MMP26: variants seen among roughly 807,000 people sequenced by gnomAD.
MMP26 encodes matrix metalloproteinase-26.
A neutral mutation model predicts 31.0 loss-of-function variants in MMP26; 33 were observed. That is an observed-to-expected ratio of 1.06 (90% CI 0.81 to 1.42). MMP26 has a LOEUF of 1.42. Ranked by LOEUF, MMP26 falls within the 40% of genes most tolerant of loss-of-function variation. MMP26 has a pLI of 0.00. For synonymous variants in MMP26, 122 were observed against 114.9 expected (o/e 1.06, Z -0.40); for missense variants, 347 against 316.1 (o/e 1.10, Z -0.74).
chr11:4,714,589 T>C (rs1218851829), intron 1 of MMP26, among the ~76,000 whole-genome samples: 4 of 152,180 alleles, frequency 2.6e-5, no homozygotes, highest in Non-Finnish European at 4.4e-5. Context: ...GTGCCATTGG[T>C]GAACTACCAG....
At chr11:4,860,428 G>T (rs1564795784) in intron 2 of MMP26, 1 of 471,134 alleles carries the variant, frequency 2.1e-6, no homozygotes, top group Non-Finnish European at 4.4e-6. Context: ...AGCTAGGATG[G>T]TACCATTTCC....
chr11:4,762,568 C>A (rs576976516), intron 1 of MMP26, among the ~76,000 whole-genome samples: 1 of 152,046 alleles, frequency 6.6e-6, no homozygotes. Flanking sequence ...CCAGTGAGAA[C>A]GTGCTATTTA....
At chr11:4,906,756 G>C (rs1850896177) in intron 2 of MMP26, among the ~76,000 whole-genome samples, 1 of 152,034 alleles carries the variant, frequency 6.6e-6, no homozygotes, top group Non-Finnish European at 1.5e-5. Context: ...CTGATTCAAA[G>C]CAGCTCCATT....
chr11:4,841,526 T>C (rs187849195), intron 2 of MMP26, among the ~76,000 whole-genome samples: 1 of 152,306 alleles, frequency 6.6e-6, no homozygotes, highest in East Asian at 1.9e-4. Flanking sequence ...GGAAGAGTTC[T>C]TTTACCCAAG....
chr11:4,939,878 A>G (rs1040283035), intron 2 of MMP26, among the ~76,000 whole-genome samples: 1 of 152,092 alleles, frequency 6.6e-6, no homozygotes, highest in Non-Finnish European at 1.5e-5. Flanking sequence ...ATCCTCTGAA[A>G]CTTCTTAAGC....
At chr11:4,838,992 G>C (rs1849758985) in intron 2 of MMP26, among the ~76,000 whole-genome samples, 1 of 152,160 alleles carries the variant, frequency 6.6e-6, no homozygotes, top group South Asian at 2.1e-4. Context: ...TGGGTGCTTG[G>C]AGAGGGGAGA....
At chr11:4,908,459 A>G in intron 2 of MMP26, 1 of 717,224 alleles carries the variant, frequency 1.4e-6, no homozygotes, top group Non-Finnish European at 2.4e-6. Context: ...TTGAGAATAT[A>G]ACTGAACAGG....
In MMP26 at chr11:4,740,702, A is replaced by G. The variant is rs542472091; in HGVS notation, c.-216-26568A>G. 8.6e-5 allele frequency among the ~76,000 whole-genome samples: 13 copies of G among 151,552 alleles called. No homozygotes were observed. The South Asian group carries it at 2.7e-3, about 31-fold the overall frequency. ...CTGTCAAAAAAAAAAAAAAAAAGAA[A>G]CTATATTTTGGCTTTGGACATCTCC... On this transcript the variant is annotated intron_variant, in intron 1 of 7. Transcript: ENST00000380390.
At chr11:4,880,058 G>T (rs1208704502) in intron 2 of MMP26, among the ~76,000 whole-genome samples, 2 of 152,112 alleles carry the variant, frequency 1.3e-5, no homozygotes, top group African/African-American at 2.4e-5. Flanking sequence ...GATGGGATTT[G>T]CTTGGGCCTG....
chr11:4,847,065 G>A (rs1342975318), intron 2 of MMP26, among the ~76,000 whole-genome samples: 3 of 152,120 alleles, frequency 2.0e-5, no homozygotes, highest in Admixed American at 6.6e-5. Context: ...AGATTCAAGG[G>A]GAATTACCTA....
chr11:4,895,241 C>T (rs751230032), intron 2 of MMP26, among the ~76,000 whole-genome samples: 8 of 150,344 alleles, frequency 5.3e-5, no homozygotes, highest in Non-Finnish European at 1.0e-4. Flanking sequence ...TACATCATTA[C>T]AATTCTTTAT....
intron 2 of MMP26, among the ~76,000 whole-genome samples, chr11:4,927,550 C>A (rs2133587542): frequency 6.6e-6 from 1 of 152,232 alleles, no homozygotes; most frequent in Middle Eastern, 3.4e-3. Flanking sequence ...ACTGAGAGCT[C>A]AGTGTGTGGC....
At chr11:4,761,485 G>A (rs1848568747) in intron 1 of MMP26, among the ~76,000 whole-genome samples, 1 of 152,124 alleles carries the variant, frequency 6.6e-6, no homozygotes, top group Non-Finnish European at 1.5e-5. Flanking sequence ...GCCTCTGTGG[G>A]ATTTTTGCAC....
At chr11:4,912,121 G>C (rs1851000600) in intron 2 of MMP26, among the ~76,000 whole-genome samples, 1 of 152,080 alleles carries the variant, frequency 6.6e-6, no homozygotes, top group Admixed American at 6.6e-5. Context: ...AGGAATTAAA[G>C]TAACTAAAGT....
rs368505645 is a variant in MMP26 at position 4,946,423 on chromosome 11, T to A, written c.-144-41645T>A. Reference sequence around the variant, plus strand: ...GCTCCTTTTTGGATGCAATTCCCAGTACAGTCTTGAGGATCAGGGTGTAAG... The same window carrying A: ...GCTCCTTTTTGGATGCAATTCCCAGAACAGTCTTGAGGATCAGGGTGTAAG... On this transcript the variant is annotated intron_variant, in intron 2 of 7. Transcript: ENST00000380390. The A allele has an allele frequency of 1.9e-5, 30 of 1,609,508 alleles. 1 individual carries two copies. In the African/African-American group the frequency reaches 3.8e-4, roughly 20 times the overall value.
chr11:4,885,586 T>C (rs554293716), intron 2 of MMP26, among the ~76,000 whole-genome samples: 1 of 152,192 alleles, frequency 6.6e-6, no homozygotes, highest in South Asian at 2.1e-4. Context: ...CCCTCTAGGT[T>C]TGTGTAAATA....
Position 4,866,750 on chromosome 11 carries a change from G to C in MMP26, c.-145+99409G>C, listed in dbSNP as rs183842160. ...CAAGAACAGAAATATAGACCAATGG[G>C]AAAGAACAGAAAACCCAGAAAGAAG... is the stretch of plus-strand genomic sequence containing the variant. On this transcript the variant is annotated intron_variant, in intron 2 of 7. Transcript: ENST00000380390. Among the ~76,000 whole-genome samples the C allele has an allele frequency of 6.6e-5, 10 of 152,110 alleles. No homozygotes were observed. In the East Asian group the frequency reaches 1.9e-3, roughly 29 times the overall value.
chr11:4,718,240 A>G (rs1847962622), intron 1 of MMP26, among the ~76,000 whole-genome samples: 1 of 152,246 alleles, frequency 6.6e-6, no homozygotes, highest in Non-Finnish European at 1.5e-5. Flanking sequence ...GAATCACTGC[A>G]TATATTACTC....
rs551269587 is a variant in MMP26, at chr11:4,746,798, C to G, written c.-216-20472C>G. 5.3e-5 allele frequency among the ~76,000 whole-genome samples: 8 copies of G among 151,336 alleles called. No individual in the cohort carries two copies. The South Asian group carries it at 1.5e-3, about 28-fold the overall frequency. ...GCAGTGAGCTGAGATTGTGCCATTG[C>G]ACTCCAGCCTGGGCAACAAGAGTAA... On this transcript the variant is annotated intron_variant, in intron 1 of 7. Coordinates refer to ENST00000380390, the MANE Select transcript of MMP26 (RefSeq NM_021801.5).
Sources: allele counts gnomAD v4.1 joint callset (sites outside exome capture counted in the v4.1 genomes callset), GRCh38; gene constraint gnomAD v4.1.1; transcripts MANE v1.5; gene names NCBI Gene and HGNC (gene_info 2026-07-23, HGNC 2026-07-21).